AKAP8L: variants seen among roughly 807,000 people sequenced by gnomAD.
The protein encoded by AKAP8L is A-kinase anchoring protein 8 like, also known as A-kinase anchor protein 8-like.
A neutral mutation model predicts 77.5 loss-of-function variants in AKAP8L; 34 were observed. The observed-to-expected ratio is 0.44, with a 90% CI of 0.33 to 0.58. AKAP8L has a LOEUF of 0.58. Ranked by LOEUF, AKAP8L falls within the 20% of genes least tolerant of loss-of-function variation. The pLI is 0.02. For synonymous variants in AKAP8L, 342 were observed against 340.7 expected (o/e 1.00, Z -0.04); for missense variants, 806 against 887.6 (o/e 0.91, Z 1.17).
intron 1 of AKAP8L, among the ~76,000 whole-genome samples, chr19:15,412,706 T>A (rs536548411): frequency 6.6e-6 from 1 of 152,280 alleles, no homozygotes; most frequent in Non-Finnish European, 1.5e-5. Flanking sequence ...CATGTCCGGC[T>A]GATTTTTTTG....
chr19:15,408,036 T>A (rs917873475), intron 2 of AKAP8L, among the ~76,000 whole-genome samples: 1 of 152,242 alleles, frequency 6.6e-6, no homozygotes, highest in Non-Finnish European at 1.5e-5. Flanking sequence ...GGCTAATGCC[T>A]GTAATTCCAA....
chr19:15,380,435 G>C lies in AKAP8L; in HGVS notation c.1633-5C>G, dbSNP rs774616750. 2 of 1,608,086 alleles carry C rather than the reference G, an allele frequency of 1.2e-6. No individual in the cohort carries two copies. The highest frequency in any genetic ancestry group is 3.4e-5 in the Admixed American group (2 of 59,158). On this transcript the variant is annotated splice_polypyrimidine_tract_variant and splice_region_variant and intron_variant, in intron 13 of 13. Transcript: ENST00000397410. The stretch of plus-strand genomic sequence containing the variant: ...GTCGGTGAAAGGGTTCTCGCCCTGT[G>C]GGGAGGGGCGCGGACACTGAAGGGA...
At chr19:15,388,425 A>G (rs1242726078) in intron 12 of AKAP8L, among the ~76,000 whole-genome samples, 4 of 152,188 alleles carry the variant, frequency 2.6e-5, no homozygotes, top group Non-Finnish European at 4.4e-5. Context: ...CAAATTCAAC[A>G]AACATTTTAA....
chr19:15,393,914 A>T (rs2145121527), intron 12 of AKAP8L, among the ~76,000 whole-genome samples: 1 of 152,118 alleles, frequency 6.6e-6, no homozygotes, highest in African/African-American at 2.4e-5. Flanking sequence ...AAAAAAAAAA[A>T]AAAAAAAAAG....
rs1029753244 is a variant in AKAP8L at position 15,403,089 on chromosome 19, C to T, written c.362+386G>A. 2.6e-5 allele frequency among the ~76,000 whole-genome samples: 4 copies of T among 152,162 alleles called. No individual in the cohort carries two copies. Among genetic ancestry groups the T allele is most frequent in the Non-Finnish European group, 5.9e-5 (4 of 68,028 alleles). ...TGATCAGCCCCAAACGCTCGTCCCA[C>T]CCTTCACACCAAACTCCATCTGTCC... On this transcript the variant is annotated intron_variant, in intron 4 of 13. Coordinates refer to ENST00000397410, the MANE Select transcript of AKAP8L (RefSeq NM_014371.4). This position sits in a 1 kb window ranked among gnomAD's most constrained non-coding sequence, Gnocchi z 4.3.
rs1201020316 is a variant in AKAP8L, at chr19:15,403,474, C to A, written c.362+1G>T. ...CAACCCCTAGGCAGGTGTCCACTCA[C>A]CTTTCTCCACCTGAGCCGTACACGC... On this transcript the variant is annotated splice_donor_variant, in intron 4 of 13. Transcript: ENST00000397410. LOFTEE classifies it high-confidence loss of function. The surrounding 1 kb of genome is among the most constrained non-coding windows in gnomAD (Gnocchi z 4.3). 6.2e-7 allele frequency: 1 copy of A among 1,613,768 alleles called. No individual in the cohort carries two copies. The highest frequency in any genetic ancestry group is 8.5e-7 in the Non-Finnish European group (1 of 1,179,860).
Position 15,380,579 on chromosome 19 carries a change from T to C in AKAP8L, c.1570A>G (p.Met524Val). 1.9e-6 allele frequency: 3 copies of C among 1,613,794 alleles called. No individual in the cohort carries two copies. Among genetic ancestry groups the C allele is most frequent in the Non-Finnish European group, 2.5e-6 (3 of 1,179,876 alleles). Residue 524 changes from methionine (M) to valine (V), a missense_variant, in exon 13 of 14, where the codon ATG becomes GTG. By Grantham distance (21) the Met-to-Val change is conservative. Around this residue, in one of 2 missense-constraint regions of AKAP8L, gnomAD observed 226 missense variants for 193.5 expected, o/e 1.17. Transcript: ENST00000397410. ...TTGTTGAGAATACTGCGGGCCACCATGAGGGAGGACTTCTTGGACTGCTCC... is the reference window on the plus strand; with the variant it reads ...TTGTTGAGAATACTGCGGGCCACCACGAGGGAGGACTTCTTGGACTGCTCC... ...MMEQSKKSSL[M>V]VARSILNNKL...
At chr19:15,407,548 G>C (rs920788935) in intron 2 of AKAP8L, among the ~76,000 whole-genome samples, 4 of 152,182 alleles carry the variant, frequency 2.6e-5, no homozygotes, top group Non-Finnish European at 4.4e-5. Flanking sequence ...AGGTCAATCT[G>C]TAAGTCAAAT....
chr19:15,390,869 C>T (rs979528752), intron 12 of AKAP8L, among the ~76,000 whole-genome samples: 3 of 152,174 alleles, frequency 2.0e-5, no homozygotes, highest in African/African-American at 7.2e-5. Flanking sequence ...AGTCCAACAC[C>T]ATTTTAAGAT....
Position 15,401,636 on chromosome 19 carries a change from C to T in AKAP8L, c.363-33G>A. The stretch of plus-strand genomic sequence containing the variant: ...GGCATGGGGTGAGCATCAGGTGGAG[C>T]CCCTCAGGATCCCTCACCTCCAGGC... On this transcript the variant is annotated intron_variant, in intron 4 of 13. Coordinates refer to ENST00000397410, the MANE Select transcript of AKAP8L (RefSeq NM_014371.4). The surrounding 1 kb of genome is among the most constrained non-coding windows in gnomAD (Gnocchi z 6.2). 1 of 1,506,004 alleles carries T rather than the reference C, an allele frequency of 6.6e-7. No homozygotes were observed. The highest frequency in any genetic ancestry group is 2.0e-5 in the Admixed American group (1 of 50,810). The allele number at this position is 1,506,004 out of a possible 1,614,324, so 93.3% of individuals were successfully genotyped here.
At position 15,397,606 on chromosome 19, in the gene AKAP8L, G is replaced by A. The variant is rs1488817443; in HGVS notation, c.1319C>T (p.Thr440Ile). The change falls in exon 11 of 14, where the codon ACC (threonine) becomes ATC (isoleucine). Residue 440 changes from threonine to isoleucine, a missense_variant. By Grantham distance (89) the Thr-to-Ile change is moderately conservative. Transcript: ENST00000397410. The surrounding 1 kb of genome is among the most constrained non-coding windows in gnomAD (Gnocchi z 4.7). ...DFLQEYVTNKTKKTEELRKTV... is the reference protein window; with the variant it reads ...DFLQEYVTNKIKKTEELRKTV... ...TTTTCGGAGCTCCTCTGTCTTCTTG[G>A]TCTTGTTAGTGACGTACTCCTGCAA... 26 of 1,613,900 alleles carry A rather than the reference G, an allele frequency of 1.6e-5. No homozygotes were observed. Among genetic ancestry groups the A allele is most frequent in the Non-Finnish European group, 2.2e-5 (26 of 1,179,878 alleles).
intron 1 of AKAP8L, 66 bp from the exon 2 acceptor site, chr19:15,410,660 T>C: frequency 7.8e-7 from 1 of 1,288,424 alleles, no homozygotes; most frequent in Non-Finnish European, 1.1e-6. Context: ...TGAGACTACC[T>C]AACCTTTGGT....
In AKAP8L at chr19:15,397,286, G is replaced by A. The variant is rs770313579; in HGVS notation, c.1406-6C>T. 16 of 1,613,882 alleles carry A rather than the reference G, an allele frequency of 9.9e-6. 1 individual carries two copies. The South Asian group carries it at 1.5e-4, about 16-fold the overall frequency. On this transcript the variant is annotated splice_polypyrimidine_tract_variant and splice_region_variant and intron_variant, in intron 11 of 13. Coordinates refer to ENST00000397410, the MANE Select transcript of AKAP8L (RefSeq NM_014371.4). The surrounding 1 kb of genome is among the most constrained non-coding windows in gnomAD (Gnocchi z 4.7). ...AAAATGCTCCATGGCAATTTCTGTA[G>A]TGGGGAGGAGGGAGTCACCACTGGG...
chr19:15,397,378 C>G lies in AKAP8L; in HGVS notation c.1406-98G>C. On this transcript the variant is annotated intron_variant, in intron 11 of 13. Coordinates refer to ENST00000397410, the MANE Select transcript of AKAP8L (RefSeq NM_014371.4). This position sits in a 1 kb window ranked among gnomAD's most constrained non-coding sequence, Gnocchi z 4.7. The stretch of plus-strand genomic sequence containing the variant: ...CACACCAGCTCCTCCTCAACTCGCC[C>G]TGCCACTTCCACCTGGGCCTGAGCC... The G allele has an allele frequency of 2.0e-6, 3 of 1,526,156 alleles. No individual in the cohort carries two copies. The highest frequency in any genetic ancestry group is 4.1e-4 in the Middle Eastern group (2 of 4,862). 94.5% of individuals were successfully genotyped at this position (1,526,156 alleles called of 1,614,324 possible).
intron 1 of AKAP8L, among the ~76,000 whole-genome samples, chr19:15,418,397 C>A (rs973609560): frequency 2.0e-5 from 3 of 152,188 alleles, no homozygotes; most frequent in Non-Finnish European, 4.4e-5. Flanking sequence ...ATTTACTTAT[C>A]CCCCTAGGGC....
At chr19:15,391,537 TA>T (rs1218074813) in intron 12 of AKAP8L, among the ~76,000 whole-genome samples, 57 of 147,742 alleles carry the variant, frequency 3.9e-4, no homozygotes, top group African/African-American at 1.4e-3. Context: ...ATTTTTATTT[TA>T]TTTTATTTAT....
intron 2 of AKAP8L, among the ~76,000 whole-genome samples, chr19:15,405,986 CT>C (rs1967989420): frequency 6.6e-6 from 1 of 151,916 alleles, no homozygotes; most frequent in Admixed American, 6.6e-5. Context: ...TCCATCAGGG[CT>C]CTGCTTGGGA....
rs1234370464 is a variant in AKAP8L, at chr19:15,403,163, C to T, written c.362+312G>A. On this transcript the variant is annotated intron_variant, in intron 4 of 13. Coordinates refer to ENST00000397410, the MANE Select transcript of AKAP8L (RefSeq NM_014371.4). The surrounding 1 kb of genome is among the most constrained non-coding windows in gnomAD (Gnocchi z 4.3). Reference sequence around the variant, plus strand: ...AAAGTCTCGAGAGAATTCCAAATGGCTGTCCTTGGAGGGAGGGGTGGCTGA... The same window carrying T: ...AAAGTCTCGAGAGAATTCCAAATGGTTGTCCTTGGAGGGAGGGGTGGCTGA... Among the ~76,000 whole-genome samples the T allele has an allele frequency of 3.3e-5, 5 of 152,134 alleles. No individual in the cohort carries two copies. The highest frequency in any genetic ancestry group is 7.3e-5 in the Non-Finnish European group (5 of 68,040).
chr19:15,402,059 T>C (rs920474459), intron 4 of AKAP8L, among the ~76,000 whole-genome samples: 1 of 152,200 alleles, frequency 6.6e-6, no homozygotes, highest in African/African-American at 2.4e-5. Flanking sequence ...TGGGAAACAC[T>C]GTTCTTGTCC....
Sources: allele counts gnomAD v4.1 joint callset (sites outside exome capture counted in the v4.1 genomes callset), GRCh38; gene constraint gnomAD v4.1.1; regional missense constraint gnomAD v4.1.1; non-coding constraint Gnocchi (gnomAD v3.1); transcripts MANE v1.5; gene names NCBI Gene and HGNC (gene_info 2026-07-23, HGNC 2026-07-21).